RGS18: variants seen among roughly 807,000 people sequenced by gnomAD.
The protein encoded by RGS18 is regulator of G protein signaling 18.
A neutral mutation model predicts 27.6 loss-of-function variants in RGS18; 22 were observed. That is an observed-to-expected ratio of 0.80 (90% CI 0.57 to 1.14). The LOEUF is 1.14. Ranked by LOEUF, RGS18 falls within the 50% of genes most tolerant of loss-of-function variation. The pLI is 0.00. For synonymous variants in RGS18, 89 were observed against 84.6 expected (o/e 1.05, Z -0.29); for missense variants, 299 against 269.6 (o/e 1.11, Z -0.76).
In RGS18 at chr1:192,158,666, A is replaced by C; in HGVS notation, c.29A>C (p.Gln10Pro). 6.4e-7 allele frequency: 1 copy of C among 1,573,432 alleles called. No individual in the cohort carries two copies. The highest frequency in any genetic ancestry group is 8.6e-7 in the Non-Finnish European group (1 of 1,166,002). The part of the protein sequence containing the change: METTLLFFS[Q>P]INMCESKEKT... ...GAAACAACATTGCTTTTCTTTTCTC[A>C]AATAAATATGTGTGAATCAAAAGAA... The change falls in exon 1 of 5, where the codon CAA becomes CCA. Residue 10 changes from glutamine (Q) to proline (P), a missense_variant. Physicochemically the swap from Gln to Pro is moderately conservative, Grantham distance 76 (BLOSUM62 -1). Coordinates refer to ENST00000367460, the MANE Select transcript of RGS18 (RefSeq NM_130782.3).
At chr1:192,168,841 T>G (rs747950263) in intron 3 of RGS18, 5 of 152,124 alleles carry the variant, frequency 3.3e-5, no homozygotes, top group Non-Finnish European at 7.4e-5. Flanking sequence ...TACACTATCT[T>G]TTACTGTCTG....
At chr1:192,183,495 T>C (rs1162414918) in intron 4 of RGS18, among the ~76,000 whole-genome samples, 3 of 151,620 alleles carry the variant, frequency 2.0e-5, no homozygotes, top group African/African-American at 7.3e-5. Flanking sequence ...ATTATTTCTA[T>C]GATCTTAGCA....
chr1:192,161,739 G>T (rs573994556), intron 3 of RGS18, among the ~76,000 whole-genome samples: 1 of 152,264 alleles, frequency 6.6e-6, no homozygotes, highest in South Asian at 2.1e-4. Context: ...CAATTTTAAG[G>T]TGTCTACTGG....
In RGS18 at chr1:192,159,264, C is replaced by G. The variant is rs768744391; in HGVS notation, c.164C>G (p.Pro55Arg). 3.2e-5 allele frequency: 51 copies of G among 1,613,628 alleles called. No homozygotes were observed. Among genetic ancestry groups the G allele is most frequent in the Non-Finnish European group, 3.4e-5 (40 of 1,179,758 alleles). ...AGACTAAGTCTTCTTGTGCAGAAAC[C>G]TGAGTTTCATGAAGACACCCGCTCC... is the stretch of plus-strand genomic sequence containing the variant. ...RNRLSLLVQKPEFHEDTRSSR... is the reference protein window; with the variant it reads ...RNRLSLLVQKREFHEDTRSSR... The change falls in exon 2 of 5, where the codon CCT becomes CGT. Residue 55 changes from proline (P) to arginine (R), a missense_variant. Transcript: ENST00000367460.
At chr1:192,174,885 A>G (rs1176000095) in intron 3 of RGS18, among the ~76,000 whole-genome samples, 1 of 151,812 alleles carries the variant, frequency 6.6e-6, no homozygotes, top group Non-Finnish European at 1.5e-5. Flanking sequence ...GCTCATTTAA[A>G]TGTTATCTCA....
chr1:192,160,576 A>G (rs1045229837), intron 3 of RGS18, 137 bp downstream of exon 3: 2 of 539,042 alleles, frequency 3.7e-6, no homozygotes, highest in African/African-American at 3.8e-5. Flanking sequence ...TCTGATCAAC[A>G]GAACTAAGTA....
chr1:192,181,746 G>A (rs1013710243), intron 4 of RGS18, among the ~76,000 whole-genome samples: 1 of 151,490 alleles, frequency 6.6e-6, no homozygotes, highest in Admixed American at 6.6e-5. Context: ...AATATACCAT[G>A]TATTATTATT....
chr1:192,175,056 T>C (rs1433367376), intron 3 of RGS18, among the ~76,000 whole-genome samples: 1 of 151,894 alleles, frequency 6.6e-6, no homozygotes, highest in Admixed American at 6.6e-5. Context: ...CCTTCTGCAG[T>C]CTTTAATCTG....
intron 3 of RGS18, among the ~76,000 whole-genome samples, chr1:192,164,507 T>TA (rs550021214): frequency 4.6e-4 from 68 of 149,312 alleles, no homozygotes; most frequent in East Asian, 9.8e-4. Flanking sequence ...TTTTTAAAAT[T>TA]AAAAAAAAAA....
intron 3 of RGS18, 166 bp downstream of exon 3, chr1:192,160,605 G>T: frequency 2.1e-6 from 1 of 471,448 alleles, no homozygotes; most frequent in Non-Finnish European, 3.8e-6. Flanking sequence ...GTCAAATAAT[G>T]GAAATTTTTT....
chr1:192,184,456 G>C lies in RGS18; in HGVS notation c.610G>C (p.Gly204Arg). Residue 204 changes from glycine (G) to arginine (R), a missense_variant, in exon 5 of 5, where the codon GGA becomes CGA. Coordinates refer to ENST00000367460, the MANE Select transcript of RGS18 (RefSeq NM_130782.3). ...TGACATCTATTTAGACTTGATGGAAGGAAGACCTCAGAGACCAACAAATCT... is the reference window on the plus strand; with the variant it reads ...TGACATCTATTTAGACTTGATGGAACGAAGACCTCAGAGACCAACAAATCT... ...KSDIYLDLME[G>R]RPQRPTNLRR... 1 of 1,611,678 alleles carries C rather than the reference G, an allele frequency of 6.2e-7. No individual in the cohort carries two copies. Among genetic ancestry groups the C allele is most frequent in the East Asian group, 2.2e-5 (1 of 44,774 alleles).
intron 2 of RGS18, among the ~76,000 whole-genome samples, 199 bp downstream of exon 2, chr1:192,159,520 G>A (rs1256200683): frequency 1.3e-5 from 2 of 152,110 alleles, no homozygotes; most frequent in Non-Finnish European, 2.9e-5. Flanking sequence ...GAATAATCAC[G>A]TGAACACTTA....
chr1:192,169,190 G>A (rs951852623), intron 3 of RGS18: 1 of 152,056 alleles, frequency 6.6e-6, no homozygotes, highest in African/African-American at 2.4e-5. Context: ...ATTCTGATTG[G>A]TTATAGAAGT....
At chr1:192,171,979 G>A (rs757421570) in intron 3 of RGS18, among the ~76,000 whole-genome samples, 3 of 152,124 alleles carry the variant, frequency 2.0e-5, no homozygotes, top group Non-Finnish European at 4.4e-5. Context: ...ATGTCAGCAG[G>A]CTATTCTTTT....
Position 192,158,534 on chromosome 1 carries a change from T to A in RGS18, c.-104T>A. 1 of 1,001,688 alleles carries A rather than the reference T, an allele frequency of 1.0e-6. No individual in the cohort carries two copies. The allele number at this position is 1,001,688 out of a possible 1,614,324, so 62.0% of individuals were successfully genotyped here. On this transcript the variant is annotated 5_prime_UTR_variant, in exon 1 of 5. The change creates a new upstream start codon in the 5' untranslated region. Coordinates refer to ENST00000367460, the MANE Select transcript of RGS18 (RefSeq NM_130782.3). ...TTTTTTGTAAACATTACTGTAAGAG[T>A]TGTGATAACTTTTTATTCTACTATG...
intron 3 of RGS18, among the ~76,000 whole-genome samples, chr1:192,171,269 A>C (rs1197974725): frequency 3.9e-5 from 6 of 152,102 alleles, no homozygotes; most frequent in Admixed American, 6.6e-5. Flanking sequence ...TAGAGAAAGA[A>C]GAGCGACTTG....
chr1:192,165,626 A>C (rs1200243651), intron 3 of RGS18, among the ~76,000 whole-genome samples: 2 of 152,242 alleles, frequency 1.3e-5, no homozygotes. Flanking sequence ...ACTTAGGGAA[A>C]ATAGAAAAGA....
chr1:192,162,568 T>C (rs2102150825), intron 3 of RGS18, among the ~76,000 whole-genome samples: 1 of 152,136 alleles, frequency 6.6e-6, no homozygotes, highest in South Asian at 2.1e-4. Context: ...CAGGCGTGAG[T>C]CATCATGCCC....
intron 3 of RGS18, among the ~76,000 whole-genome samples, chr1:192,175,763 T>A (rs891042970): frequency 6.6e-6 from 1 of 151,852 alleles, no homozygotes; most frequent in Non-Finnish European, 1.5e-5. Context: ...GGTCCCCTTA[T>A]AAAGCAGATT....
Sources: allele counts gnomAD v4.1 joint callset (sites outside exome capture counted in the v4.1 genomes callset), GRCh38; gene constraint gnomAD v4.1.1; transcripts MANE v1.5; gene names NCBI Gene and HGNC (gene_info 2026-07-23, HGNC 2026-07-21).